Variants in PCDHA3 observed in about 807,000 individuals in gnomAD.
PCDHA3 encodes the protein protocadherin alpha 3, also known as protocadherin alpha-3.
PCDHA3 carries 41 observed loss-of-function variants against 62.2 expected under a neutral mutation model. The observed-to-expected ratio is 0.66, with a 90% CI of 0.51 to 0.86. The LOEUF is 0.86. Among genes scored for constraint, PCDHA3 ranks in the 40% least tolerant of loss-of-function variants. The pLI, the probability that PCDHA3 is intolerant of heterozygous loss-of-function variation, is 0.00. For synonymous variants in PCDHA3, 640 were observed against 555.4 expected (o/e 1.15, Z -2.14); for missense variants, 1,304 against 1,241.2 (o/e 1.05, Z -0.76).
intron 1 of PCDHA3, among the ~76,000 whole-genome samples, chr5:140,840,071 T>C (rs1307463019): frequency 6.6e-6 from 1 of 151,952 alleles, no homozygotes; most frequent in Non-Finnish European, 1.5e-5. Flanking sequence ...AATTAGTCAA[T>C]AGAAAGATAA....
chr5:140,929,154 T>C (rs1005551092), intron 1 of PCDHA3: 3 of 1,614,180 alleles, frequency 1.9e-6, no homozygotes, highest in Non-Finnish European at 1.7e-6. Context: ...CTCAGACTTA[T>C]CTCTATCGGG....
intron 1 of PCDHA3, chr5:140,875,770 G>A: frequency 1.2e-6 from 2 of 1,614,230 alleles, no homozygotes; most frequent in East Asian, 2.2e-5. Flanking sequence ...CGGGCGGAGC[G>A]CGGAGTGCAG....
chr5:140,876,774 G>T (rs370558767), intron 1 of PCDHA3: 28 of 1,614,110 alleles, frequency 1.7e-5, no homozygotes, highest in Non-Finnish European at 2.3e-5. Flanking sequence ...GCTCGCCTTC[G>T]CTGTGGGCCA....
At chr5:140,967,473 C>G in intron 1 of PCDHA3, 1 of 1,613,362 alleles carries the variant, frequency 6.2e-7, no homozygotes, top group Admixed American at 1.7e-5. Context: ...GGCATCCCAG[C>G]CCGCTCGGGT....
intron 1 of PCDHA3, chr5:140,869,336 A>G (rs781863950): frequency 6.2e-7 from 1 of 1,613,984 alleles, no homozygotes; most frequent in Admixed American, 1.7e-5. Flanking sequence ...CTGGAGGTAA[A>G]TCTGCAGAAT....
In PCDHA3 at chr5:140,985,515, T is replaced by G. The variant is rs529024123; in HGVS notation, c.2542+2952T>G. The stretch of plus-strand genomic sequence containing the variant: ...AGAGCCTGCCTTTCATTGATTCTGT[T>G]GCCCTTAAAGCTTCACGGTGAAGAT... On this transcript the variant is annotated intron_variant, in intron 3 of 3. Transcript: ENST00000522353. Among the ~76,000 whole-genome samples, 8 of 152,284 alleles carry G rather than the reference T, an allele frequency of 5.3e-5. No individual in the cohort carries two copies. In the South Asian group the frequency reaches 1.7e-3, roughly 32 times the overall value.
At chr5:140,884,066 G>C in intron 1 of PCDHA3, 3 of 1,613,514 alleles carry the variant, frequency 1.9e-6, no homozygotes, top group Non-Finnish European at 2.5e-6. Flanking sequence ...GGTGGACGCC[G>C]ATTCGGGCTA....
At chr5:140,813,686 CA>C (rs1223474406) in intron 1 of PCDHA3, 1 of 152,170 alleles carries the variant, frequency 6.6e-6, no homozygotes, top group Non-Finnish European at 1.5e-5. Context: ...AGGCTACACT[CA>C]ATTTATCAAA....
Position 140,801,884 on chromosome 5 carries a change from G to T in PCDHA3, c.687G>T (p.Lys229Asn). ...AGCTCACTGGCACGACTCAACTAAA[G>T]ATCACTGTTTTAGATGTAAACGACA... ...KPELTGTTQL[K>N]ITVLDVNDNA... The change falls in exon 1 of 4, where the codon AAG becomes AAT. Residue 229 changes from lysine to asparagine, a missense_variant. Physicochemically the swap from Lys to Asn is moderately conservative, Grantham distance 94. Coordinates refer to ENST00000522353, the MANE Select transcript of PCDHA3 (RefSeq NM_018906.3). 6.2e-7 allele frequency: 1 copy of T among 1,614,184 alleles called. No homozygotes were observed. Among genetic ancestry groups the T allele is most frequent in the Non-Finnish European group, 8.5e-7 (1 of 1,180,044 alleles).
chr5:140,981,335 AG>A (rs2096927378), intron 2 of PCDHA3, among the ~76,000 whole-genome samples: 3 of 152,168 alleles, frequency 2.0e-5, no homozygotes, highest in Non-Finnish European at 4.4e-5. Context: ...GCACTTTGGG[AG>A]GGTGAGGCAG....
intron 1 of PCDHA3, chr5:140,828,460 G>A: frequency 6.2e-7 from 1 of 1,614,278 alleles, no homozygotes; most frequent in Non-Finnish European, 8.5e-7. Flanking sequence ...ACGTGGAGGT[G>A]AGGGACATTA....
chr5:140,818,474 G>T (rs1766368154), intron 1 of PCDHA3, among the ~76,000 whole-genome samples: 1 of 152,132 alleles, frequency 6.6e-6, no homozygotes, highest in South Asian at 2.1e-4. Flanking sequence ...CTCCCACAAA[G>T]TTTTCACTCA....
intron 1 of PCDHA3, chr5:140,927,414 A>T: frequency 6.2e-7 from 1 of 1,614,114 alleles, no homozygotes; most frequent in South Asian, 1.1e-5. Context: ...TGGACATGGG[A>T]TCGCGGGTTG....
chr5:140,848,945 T>G (rs1554142609), intron 1 of PCDHA3: 5 of 1,607,094 alleles, frequency 3.1e-6, no homozygotes, highest in South Asian at 1.1e-5. Flanking sequence ...CGCTTGACTC[T>G]CGGTTTCCAC....
At chr5:140,810,567 AT>A (rs1764684632) in intron 1 of PCDHA3, 1 of 152,250 alleles carries the variant, frequency 6.6e-6, no homozygotes, top group Admixed American at 6.5e-5. Flanking sequence ...TTATATTTAA[AT>A]GAAGTTGAGT....
Position 140,803,204 on chromosome 5 carries a change from G to T in PCDHA3, c.2007G>T (p.Leu669=). The change falls in exon 1 of 4, where the codon CTG becomes CTT. Residue 669 remains leucine, a synonymous_variant. Coordinates refer to ENST00000522353, the MANE Select transcript of PCDHA3 (RefSeq NM_018906.3). ...LTATATVLVS[L]VESGQAPKAS... ...CCACGGCCACTGTGCTGGTGTCGCT[G>T]GTGGAGAGTGGCCAGGCACCCAAGG... 1 of 1,613,900 alleles carries T rather than the reference G, an allele frequency of 6.2e-7. No homozygotes were observed. Among genetic ancestry groups the T allele is most frequent in the Non-Finnish European group, 8.5e-7 (1 of 1,179,926 alleles).
Position 140,802,598 on chromosome 5 carries a change from C to G in PCDHA3, c.1401C>G (p.Asn467Lys), listed in dbSNP as rs922814873. Residue 467 changes from asparagine to lysine, a missense_variant, in exon 1 of 4, where the codon AAC (asparagine) becomes AAG (lysine). Transcript: ENST00000522353. Reference protein sequence around the residue: ...QSEYTVFVKENNPPGCHIFTV... With the variant: ...QSEYTVFVKEKNPPGCHIFTV... ...AGTACACGGTGTTCGTGAAGGAGAA[C>G]AACCCGCCGGGCTGCCACATCTTCA... is the stretch of plus-strand genomic sequence containing the variant. The G allele has an allele frequency of 6.2e-7, 1 of 1,613,984 alleles. No homozygotes were observed. The highest frequency in any genetic ancestry group is 2.2e-5 in the East Asian group (1 of 44,862).
Position 140,850,434 on chromosome 5 carries a change from C to G in PCDHA3, c.2394+46843C>G, listed in dbSNP as rs2150484212. ...CGAAACGGACGCACCGCGCCAGCGC[C>G]TACTGGTGCTGGTGAAAGACCACGG... On this transcript the variant is annotated intron_variant, in intron 1 of 3. Coordinates refer to ENST00000522353, the MANE Select transcript of PCDHA3 (RefSeq NM_018906.3). 12 of 1,598,008 alleles carry G rather than the reference C, an allele frequency of 7.5e-6. No individual in the cohort carries two copies. In the Admixed American group the frequency reaches 1.9e-4, roughly 25 times the overall value.
chr5:140,939,900 A>G (rs916984176), intron 1 of PCDHA3, among the ~76,000 whole-genome samples: 5 of 152,150 alleles, frequency 3.3e-5, no homozygotes, highest in Admixed American at 3.3e-4. Flanking sequence ...AATATTCTGC[A>G]TTCTTTTTTA....
Sources: allele counts gnomAD v4.1 joint callset (sites outside exome capture counted in the v4.1 genomes callset), GRCh38; gene constraint gnomAD v4.1.1; transcripts MANE v1.5; gene names NCBI Gene and HGNC (gene_info 2026-07-23, HGNC 2026-07-21).